Variants in SOX5 observed in about 807,000 individuals in gnomAD.
SOX5 encodes the protein transcription factor SOX-5.
SOX5 carries 9 observed loss-of-function variants against 92.0 expected under a neutral mutation model. That is an observed-to-expected ratio of 0.10 (90% confidence interval 0.06 to 0.17). SOX5 has a LOEUF of 0.17. Ranked by LOEUF, SOX5 falls within the 10% of genes least tolerant of loss-of-function variation. The probability of loss-of-function intolerance (pLI) is 1.00; values close to 1 mark genes in which losing one functional copy is unlikely to be tolerated. For missense variants in SOX5, 642 were observed against 944.5 expected (o/e 0.68, Z 4.20); for synonymous variants, 344 against 336.3 (o/e 1.02, Z -0.25).
At chr12:24,415,196 T>G (rs1437806623) in intron 1 of SOX5, among the ~76,000 whole-genome samples, 1 of 152,248 alleles carries the variant, frequency 6.6e-6, no homozygotes, top group Admixed American at 6.5e-5. Flanking sequence ...GTAGTTATAC[T>G]TACTTTGCCA....
At chr12:24,400,689 T>C (rs373913405) in intron 1 of SOX5, among the ~76,000 whole-genome samples, 11 of 152,192 alleles carry the variant, frequency 7.2e-5, no homozygotes, top group African/African-American at 2.7e-4. Flanking sequence ...TCCTGCTGCC[T>C]CAGGTAGACT....
At chr12:24,275,985 T>C (rs1944390337) in intron 3 of SOX5, among the ~76,000 whole-genome samples, 1 of 152,136 alleles carries the variant, frequency 6.6e-6, no homozygotes, top group Non-Finnish European at 1.5e-5. Context: ...TTCTTGTATC[T>C]CATTATCTTT....
At chr12:24,202,392 A>C (rs1203342089) in intron 4 of SOX5, among the ~76,000 whole-genome samples, 2 of 152,336 alleles carry the variant, frequency 1.3e-5, no homozygotes, top group East Asian at 3.9e-4. Context: ...CAAAAATAGT[A>C]CAGAGTGTCC....
intron 4 of SOX5, among the ~76,000 whole-genome samples, chr12:24,038,020 T>C (rs892644836): frequency 1.3e-5 from 2 of 152,156 alleles, no homozygotes; most frequent in Non-Finnish European, 2.9e-5. Context: ...CAGTTACCTA[T>C]TTCCCCAGAA....
At chr12:23,751,253 A>G (rs2094172077) in intron 4 of SOX5, among the ~76,000 whole-genome samples, 1 of 151,916 alleles carries the variant, frequency 6.6e-6, no homozygotes, top group Non-Finnish European at 1.5e-5. Flanking sequence ...CTTTGTAAAA[A>G]TGTGCAGATA....
chr12:24,206,597 C>T (rs998122054), intron 4 of SOX5, among the ~76,000 whole-genome samples: 3 of 152,054 alleles, frequency 2.0e-5, no homozygotes, highest in African/African-American at 4.8e-5. Flanking sequence ...CCCCAAGAAT[C>T]CTTTTTATCA....
intron 1 of SOX5, among the ~76,000 whole-genome samples, chr12:24,520,040 GA>G (rs1044418599): frequency 1.3e-3 from 184 of 142,006 alleles, no homozygotes; most frequent in African/African-American, 3.3e-3. Context: ...AGTACTAAAA[GA>G]AAAAAAAAAA....
intron 7 of SOX5, among the ~76,000 whole-genome samples, chr12:23,662,097 T>C (rs534170600): frequency 2.6e-5 from 4 of 152,248 alleles, no homozygotes; most frequent in South Asian, 2.1e-4. Flanking sequence ...TTCATGTAAT[T>C]ATTTTCAAGT....
intron 1 of SOX5, among the ~76,000 whole-genome samples, chr12:24,511,725 G>A (rs1949323450): frequency 6.6e-6 from 1 of 152,128 alleles, no homozygotes; most frequent in Non-Finnish European, 1.5e-5. Context: ...TTGGGAGGCT[G>A]AGGTGGGCGG....
intron 4 of SOX5, among the ~76,000 whole-genome samples, chr12:24,149,339 A>G (rs1472462707): frequency 1.3e-5 from 2 of 152,248 alleles, no homozygotes; most frequent in East Asian, 3.9e-4. Flanking sequence ...TATATAAAAG[A>G]CTCTCAAAAC....
chr12:24,475,098 C>T (rs35252101), intron 1 of SOX5, among the ~76,000 whole-genome samples: 48,223 of 151,996 alleles, frequency 0.32, 7,756 homozygotes, highest in Middle Eastern at 0.38. Flanking sequence ...CTCGGCCTCC[C>T]AAAGTGCTGG....
At chr12:24,044,288 T>TATA (rs3031103) in intron 4 of SOX5, among the ~76,000 whole-genome samples, 57,148 of 151,838 alleles carry the variant, frequency 0.38, 11,085 homozygotes, top group Middle Eastern at 0.46. Context: ...AGCAGGTAAG[T>TATA]ATAACACTGT....
At chr12:23,568,960 G>A (rs969997984) in intron 10 of SOX5, among the ~76,000 whole-genome samples, 4 of 151,428 alleles carry the variant, frequency 2.6e-5, no homozygotes, top group African/African-American at 9.7e-5. Context: ...AGGCTGAGGC[G>A]AGTAGATCAC....
At chr12:24,366,574 G>A (rs1333210323) in intron 2 of SOX5, among the ~76,000 whole-genome samples, 1 of 152,112 alleles carries the variant, frequency 6.6e-6, no homozygotes, top group Non-Finnish European at 1.5e-5. Flanking sequence ...TAATTCAGAA[G>A]TTAGATCTGT....
At chr12:24,172,494 G>A (rs1013690389) in intron 4 of SOX5, among the ~76,000 whole-genome samples, 3 of 152,080 alleles carry the variant, frequency 2.0e-5, no homozygotes, top group South Asian at 2.1e-4. Flanking sequence ...AGCTGTGTTC[G>A]TGTCATTGCA....
chr12:23,940,098 G>A (rs1318533685), intron 1 of SOX5, among the ~76,000 whole-genome samples: 1 of 151,018 alleles, frequency 6.6e-6, no homozygotes, highest in Non-Finnish European at 1.5e-5. Context: ...CTGACCTAAA[G>A]TGCCACTCGT....
chr12:23,756,234 A>AT (rs1291371960), intron 3 of SOX5, among the ~76,000 whole-genome samples: 1 of 142,842 alleles, frequency 7.0e-6, no homozygotes, highest in Non-Finnish European at 1.6e-5. Context: ...TACTGCGAAC[A>AT]TAAAAAAAAA....
intron 4 of SOX5, among the ~76,000 whole-genome samples, chr12:24,165,519 C>T (rs909053883): frequency 6.6e-6 from 1 of 152,054 alleles, no homozygotes; most frequent in Non-Finnish European, 1.5e-5. Flanking sequence ...TGTTTTTATT[C>T]TAATGGATCA....
chr12:24,416,652 G>C (rs1965070081), intron 1 of SOX5, among the ~76,000 whole-genome samples: 1 of 152,154 alleles, frequency 6.6e-6, no homozygotes, highest in Non-Finnish European at 1.5e-5. Context: ...ATTCTCAAGA[G>C]GGCTGCTACT....
Sources: gnomAD v4.1 joint callset for allele counts (sites outside exome capture counted in the v4.1 genomes callset) on GRCh38, gnomAD v4.1.1 for gene constraint, MANE v1.5 for transcripts, NCBI Gene and HGNC (gene_info 2026-07-23, HGNC 2026-07-21) for gene names.